The following ANAPC16 variants were observed in gnomAD, a reference collection of about 807,000 sequenced individuals.
ANAPC16 encodes anaphase promoting complex subunit 16, also known as anaphase-promoting complex subunit 16.
A neutral mutation model predicts 13.1 loss-of-function variants in ANAPC16; 6 were observed. The ratio of observed to expected loss-of-function variants is 0.46; its 90% CI spans 0.25 to 0.90. ANAPC16 has a LOEUF of 0.90. Ranked by LOEUF, ANAPC16 falls within the 40% of genes least tolerant of loss-of-function variation. ANAPC16 has a pLI of 0.18. For synonymous variants in ANAPC16, 55 were observed against 51.3 expected, an observed-to-expected ratio of 1.07 and a Z score of -0.31; for missense variants, 113 against 131.1, an observed-to-expected ratio of 0.86 and a Z score of 0.67.
At chr10:72,216,469 G>T (rs1003599276) in intron 1 of ANAPC16, among the ~76,000 whole-genome samples, 4 of 5,598 alleles carry the variant, frequency 7.1e-4, no homozygotes, top group African/African-American at 2.2e-3. Context: ...GCCCACCCCC[G>T]CCCCGTTCCC....
chr10:72,231,893 A>G (rs940201996), intron 3 of ANAPC16, among the ~76,000 whole-genome samples: 16 of 152,006 alleles, frequency 1.1e-4, no homozygotes, highest in Non-Finnish European at 1.8e-4. Context: ...CCAACTTAAA[A>G]AAAAAAAAAT....
intron 1 of ANAPC16, among the ~76,000 whole-genome samples, chr10:72,222,793 G>A (rs1324671061): frequency 6.6e-6 from 1 of 152,182 alleles, no homozygotes; most frequent in Non-Finnish European, 1.5e-5. Flanking sequence ...ATTAAAAAAG[G>A]AAAGAAAGAA....
chr10:72,225,562 A>G (rs906409487), intron 2 of ANAPC16, among the ~76,000 whole-genome samples: 2 of 152,126 alleles, frequency 1.3e-5, no homozygotes, highest in Non-Finnish European at 2.9e-5. Context: ...AGCCTGGGTG[A>G]CAGAATGAGA....
At chr10:72,232,942 G>A (rs1860369658) in intron 3 of ANAPC16, 59 bp from the exon 4 acceptor site, 3 of 1,339,810 alleles carry the variant, frequency 2.2e-6, no homozygotes, top group African/African-American at 2.9e-5. Flanking sequence ...CTTGGTGGCT[G>A]GTGGCAGTCT....
intron 1 of ANAPC16, chr10:72,223,675 G>A: frequency 2.7e-6 from 1 of 366,132 alleles, no homozygotes; most frequent in Non-Finnish European, 4.9e-6. Context: ...CATGTTTTAA[G>A]TAGATATACT....
chr10:72,231,331 A>G (rs1459152053), intron 3 of ANAPC16, among the ~76,000 whole-genome samples: 1 of 152,142 alleles, frequency 6.6e-6, no homozygotes, highest in African/African-American at 2.4e-5. Context: ...TGAGCCCAGG[A>G]GTTCAAGACT....
At position 72,234,008 on chromosome 10, in the gene ANAPC16, G is replaced by GGT. The variant is rs990381200; in HGVS notation, c.*892_*893insGT. 1 of 142,634 alleles carries GGT rather than the reference G, an allele frequency of 7.0e-6. No individual in the cohort carries two copies. The highest frequency in any genetic ancestry group is 2.6e-5 in the African/African-American group (1 of 38,864). 8.8% of individuals were successfully genotyped at this position (142,634 alleles called of 1,614,324 possible). A position where few individuals can be genotyped will look rare whatever the true frequency, so the allele number is the denominator to read the frequency against. On this transcript the variant is annotated 3_prime_UTR_variant, in exon 4 of 4. Coordinates refer to ENST00000299381, the MANE Select transcript of ANAPC16 (RefSeq NM_173473.4). The stretch of plus-strand genomic sequence containing the variant: ...AATTTATCTTAATGATATTTAAGTA[G>GGT]TTTTTTTTTTTTTTTGAGACGAAGT...
At chr10:72,231,979 G>A (rs1401415205) in intron 3 of ANAPC16, among the ~76,000 whole-genome samples, 2 of 151,702 alleles carry the variant, frequency 1.3e-5, no homozygotes, top group East Asian at 3.9e-4. Flanking sequence ...CTGAGGTCGG[G>A]AGTTCGAGAC....
In ANAPC16 at chr10:72,224,629, G is replaced by T. The variant is rs184195371; in HGVS notation, c.142+573G>T. 3.4e-3 allele frequency among the ~76,000 whole-genome samples: 497 copies of T among 146,844 alleles called. 5 individuals are homozygous for T. The highest frequency in any genetic ancestry group is 0.012 in the African/African-American group (476 of 39,800). On this transcript the variant is annotated intron_variant, in intron 2 of 3. Transcript: ENST00000299381. ...CTCTGTCTCAAAAAAAAAAAAAAAC[G>T]CAGAGGCAGCACTGAATCCAGGAAT...
chr10:72,230,460 G>T lies in ANAPC16; in HGVS notation c.217+20G>T, dbSNP rs201885589. On this transcript the variant is annotated intron_variant, in intron 3 of 3. Transcript: ENST00000299381. ...AACATGGTAAGCACATGAGTGTTGC[G>T]TACTTGACTGTGAGAATAAATTTGC... 1 of 1,603,106 alleles carries T rather than the reference G, an allele frequency of 6.2e-7. No homozygotes were observed. Among genetic ancestry groups the T allele is most frequent in the Non-Finnish European group, 8.5e-7 (1 of 1,171,384 alleles).
intron 2 of ANAPC16, among the ~76,000 whole-genome samples, chr10:72,226,436 G>T (rs1354088038): frequency 2.0e-5 from 3 of 152,138 alleles, no homozygotes; most frequent in African/African-American, 7.2e-5. Flanking sequence ...CACTTTGGGA[G>T]GCTGAGGCAG....
intron 2 of ANAPC16, among the ~76,000 whole-genome samples, chr10:72,229,426 T>C (rs10823909): frequency 0.073 from 11,012 of 151,792 alleles, 549 homozygotes; most frequent in Middle Eastern, 0.13. Flanking sequence ...TGCCATGTAA[T>C]ACCTGGCCAA....
rs552584211 is a variant in ANAPC16 at position 72,223,521 on chromosome 10, A to G, written c.-27-367A>G. 9.9e-5 allele frequency: 16 copies of G among 161,134 alleles called. No homozygotes were observed. The South Asian group carries it at 3.1e-3, about 31-fold the overall frequency. 10.0% of individuals were successfully genotyped at this position (161,134 alleles called of 1,614,324 possible). On this transcript the variant is annotated intron_variant, in intron 1 of 3. Transcript: ENST00000299381. ...GGATGTATCCAAGAAAAACTGTCCT[A>G]TGAAGTGTGATGCTTTTATCCTCGT...
In ANAPC16 at chr10:72,233,974, G is replaced by A. The variant is rs2133700978; in HGVS notation, c.*858G>A. ...ACTTAAGGGATATTTGTCTTTATAG[G>A]AGTACATAAATTTATCTTAATGATA... On this transcript the variant is annotated 3_prime_UTR_variant, in exon 4 of 4. Coordinates refer to ENST00000299381, the MANE Select transcript of ANAPC16 (RefSeq NM_173473.4). 6.6e-6 allele frequency: 1 copy of A among 152,060 alleles called. No homozygotes were observed. Among genetic ancestry groups the A allele is most frequent in the South Asian group, 2.1e-4 (1 of 4,810 alleles). 9.4% of individuals were successfully genotyped at this position (152,060 alleles called of 1,614,324 possible). A position where few individuals can be genotyped will look rare whatever the true frequency, so the allele number is the denominator to read the frequency against.
At chr10:72,231,623 C>T (rs1219567638) in intron 3 of ANAPC16, among the ~76,000 whole-genome samples, 1 of 152,072 alleles carries the variant, frequency 6.6e-6, no homozygotes, top group South Asian at 2.1e-4. Flanking sequence ...ATGGCATGAT[C>T]GCGGCTCACT....
At chr10:72,218,456 A>G (rs1859757816) in intron 1 of ANAPC16, among the ~76,000 whole-genome samples, 1 of 151,972 alleles carries the variant, frequency 6.6e-6, no homozygotes. Flanking sequence ...TAACATACCA[A>G]CAAGCCATTG....
At chr10:72,225,890 A>G (rs1860105983) in intron 2 of ANAPC16, among the ~76,000 whole-genome samples, 2 of 148,620 alleles carry the variant, frequency 1.3e-5, no homozygotes, top group African/African-American at 2.6e-5. Flanking sequence ...ACAGAGCAAG[A>G]CTCTGTCTCA....
intron 2 of ANAPC16, among the ~76,000 whole-genome samples, chr10:72,225,037 ACTTT>A (rs1860075832): frequency 6.6e-6 from 1 of 152,170 alleles, no homozygotes; most frequent in African/African-American, 2.4e-5. Flanking sequence ...TAATTCTAGC[ACTTT>A]GGGAGGCCAA....
rs142932037 is a variant in ANAPC16, at chr10:72,218,145, C to CAAAAAAAAAAAAAAAAAAA, written c.-28+2010_-28+2028dup. 2.0e-4 allele frequency among the ~76,000 whole-genome samples: 7 copies of CAAAAAAAAAAAAAAAAAAA among 34,880 alleles called. 2 individuals carry two copies. Among genetic ancestry groups the CAAAAAAAAAAAAAAAAAAA allele is most frequent in the African/African-American group, 1.4e-3 (6 of 4,216 alleles). The allele number at this position is 34,880 out of a possible 152,430, so 22.9% of individuals were successfully genotyped here. On this transcript the variant is annotated intron_variant, in intron 1 of 3. Transcript: ENST00000299381. ...GGGCAACAAGAGTGAAACTCTGTCT[C>CAAAAAAAAAAAAAAAAAAA]AAAAAAAAAAAAAAAAAAAAATATA...
Sources: gnomAD v4.1 joint callset for allele counts (sites outside exome capture counted in the v4.1 genomes callset) on GRCh38, gnomAD v4.1.1 for gene constraint, MANE v1.5 for transcripts, NCBI Gene and HGNC (gene_info 2026-07-23, HGNC 2026-07-21) for gene names.